The following STING1 variants were observed in gnomAD, a reference collection of about 807,000 sequenced individuals.
STING1 encodes stimulator of interferon genes protein.
Under a neutral mutation model 31.6 loss-of-function variants are expected in STING1, and 19 were observed. The observed-to-expected ratio is 0.60, with a 90% CI of 0.42 to 0.88. The LOEUF is 0.88. Ranked by LOEUF, STING1 falls within the 40% of genes least tolerant of loss-of-function variation. STING1 has a pLI of 0.00. For missense variants in STING1, 371 were observed against 483.7 expected (o/e 0.77, Z 2.19); for synonymous variants, 200 against 208.6 (o/e 0.96, Z 0.35).
At chr5:139,480,381 A>G (rs1751803129) in intron 5 of STING1, among the ~76,000 whole-genome samples, 1 of 152,106 alleles carries the variant, frequency 6.6e-6, no homozygotes, top group Admixed American at 6.6e-5. Flanking sequence ...CCCTGTCTCT[A>G]CTAAAAATAC....
At position 139,480,360 on chromosome 5, in the gene STING1, A is replaced by C. The variant is rs115762419; in HGVS notation, c.520+430T>G. Among the ~76,000 whole-genome samples the C allele has an allele frequency of 3.4e-3, 524 of 152,282 alleles. 5 individuals are homozygous for C. The highest frequency in any genetic ancestry group is 0.01 in the African/African-American group (434 of 41,562). ...TCAGGAGTTTGTACCGGCCTGGCCAATACGGTGAAACCCTGTCTCTACTAA... is the reference window on the plus strand; with the variant it reads ...TCAGGAGTTTGTACCGGCCTGGCCACTACGGTGAAACCCTGTCTCTACTAA... On this transcript the variant is annotated intron_variant, in intron 5 of 7. Transcript: ENST00000330794.
chr5:139,480,804 C>T lies in STING1; in HGVS notation c.506G>A (p.Arg169Gln), dbSNP rs771648197. 1.4e-5 allele frequency: 23 copies of T among 1,612,972 alleles called. No homozygotes were observed. Among genetic ancestry groups the T allele is most frequent in the Middle Eastern group, 1.6e-4 (1 of 6,084 alleles). Residue 169 changes from arginine to glutamine, a missense_variant, in exon 5 of 8, where the codon CGG becomes CAG. Physicochemically the swap from Arg to Gln is conservative, Grantham distance 43. Coordinates refer to ENST00000330794, the MANE Select transcript of STING1 (RefSeq NM_198282.4). ...LAWSYYIGYL[R>Q]LILPELQARI... ...GGATGGCCCACCTGGCAGGATCAGC[C>T]GCAGATATCCGATGTAATATGACCA...
chr5:139,481,318 A>T lies in STING1; in HGVS notation c.252T>A (p.Thr84=). The T allele has an allele frequency of 6.2e-7, 1 of 1,601,938 alleles. No individual in the cohort carries two copies. The highest frequency in any genetic ancestry group is 8.5e-7 in the Non-Finnish European group (1 of 1,173,666). Residue 84 remains threonine (T), a synonymous_variant, in exon 4 of 8, where the codon ACT becomes ACA. Transcript: ENST00000330794. The surrounding 1 kb of genome is among the most constrained non-coding windows in gnomAD (Gnocchi z 4.1). ...GGGGGCAGCCCAGGCAGGCCCGCAC[A>T]GTCCTCCAGTAGCTGCCCCGGTACC... ...HSRYRGSYWR[T]VRACLGCPLR...
In STING1 at chr5:139,478,334, T is replaced by G; in HGVS notation, c.695A>C (p.His232Pro). 6.2e-7 allele frequency: 1 copy of G among 1,613,992 alleles called. No individual in the cohort carries two copies. The highest frequency in any genetic ancestry group is 8.5e-7 in the Non-Finnish European group (1 of 1,180,002). The change falls in exon 6 of 8, where the codon CAT becomes CCT. Residue 232 changes from histidine (H) to proline (P), a missense_variant. Coordinates refer to ENST00000330794, the MANE Select transcript of STING1 (RefSeq NM_198282.4). ...GTAAACCCGATCCTTGATGCCAGCATGGTCACCGGTCTGCTGGGGCAGTTT... is the reference window on the plus strand; with the variant it reads ...GTAAACCCGATCCTTGATGCCAGCAGGGTCACCGGTCTGCTGGGGCAGTTT... ...LDKLPQQTGD[H>P]AGIKDRVYSN... is the part of the protein sequence containing the mutation.
Position 139,476,343 on chromosome 5 carries a change from C to A in STING1, c.1058G>T (p.Ser353Ile), listed in dbSNP as rs1412839696. ...VGSLKTSAVP[S>I]TSTMSQEPEL... ...AGGCTCTTGGGACATCGTGGAGGTA[C>A]TGGGCACCGCTGAGGTCTTCAAGCT... is the stretch of plus-strand genomic sequence containing the variant. Residue 353 changes from serine to isoleucine, a missense_variant, in exon 8 of 8, where the codon AGT becomes ATT. Physicochemically the swap from Ser to Ile is moderately radical, Grantham distance 142. Transcript: ENST00000330794. The A allele has an allele frequency of 1.2e-6, 2 of 1,612,558 alleles. No homozygotes were observed. The highest frequency in any genetic ancestry group is 1.7e-6 in the Non-Finnish European group (2 of 1,179,842).
intron 5 of STING1, among the ~76,000 whole-genome samples, chr5:139,480,234 G>C (rs145603435): frequency 1.8e-4 from 28 of 152,200 alleles, no homozygotes; most frequent in African/African-American, 5.8e-4. Flanking sequence ...GCACATGAGA[G>C]CACACAGCAT....
At chr5:139,477,621 C>T in intron 6 of STING1, 106 bp from the exon 7 acceptor site, 1 of 1,119,256 alleles carries the variant, frequency 8.9e-7, no homozygotes, top group Non-Finnish European at 1.3e-6. Context: ...TGAGGCCCCA[C>T]TCCCTCAGCC....
chr5:139,478,579 G>A (rs1751734821), intron 5 of STING1, 71 bp from the exon 6 acceptor site: 2 of 1,344,198 alleles, frequency 1.5e-6, no homozygotes, highest in African/African-American at 2.9e-5. Flanking sequence ...GTGAGACCCA[G>A]GTCATTGGCC....
At chr5:139,480,003 C>CA (rs552338116) in intron 5 of STING1, among the ~76,000 whole-genome samples, 4,144 of 88,718 alleles carry the variant, frequency 0.047, 92 homozygotes, top group East Asian at 0.061. Context: ...GACTTTGTCT[C>CA]AAAAAAAAAA....
In STING1 at chr5:139,477,508, G is replaced by A. The variant is rs769794754; in HGVS notation, c.767C>T (p.Thr256Ile). The A allele has an allele frequency of 1.1e-5, 18 of 1,613,790 alleles. No homozygotes were observed. The highest frequency in any genetic ancestry group is 2.2e-5 in the South Asian group (2 of 91,062). Residue 256 changes from threonine to isoleucine, a missense_variant, in exon 7 of 8, where the codon ACC becomes ATC. Physicochemically the swap from Thr to Ile is moderately conservative, Grantham distance 89 (BLOSUM62 -1). Transcript: ENST00000330794. ...ELLENGQRAG[T>I]CVLEYATPLQ... Reference sequence around the variant, plus strand: ...GGGGGTGGCGTACTCCAGGACACAGGTGCCCGCCTAGAGGAGGTAAGAGGA... The same window carrying A: ...GGGGGTGGCGTACTCCAGGACACAGATGCCCGCCTAGAGGAGGTAAGAGGA...
chr5:139,478,291 C>A lies in STING1; in HGVS notation c.738G>T (p.Glu246Asp). Residue 246 changes from glutamate to aspartate, a missense_variant, in exon 6 of 8, where the codon GAG (glutamate) becomes GAT (aspartate). Physicochemically the swap from Glu to Asp is conservative, Grantham distance 45 (BLOSUM62 2). Transcript: ENST00000330794. ...KDRVYSNSIY[E>D]LLENGQRAGT... is the part of the protein sequence containing the mutation. ...TTACCCGCTGCCCGTTCTCCAGAAG[C>A]TCATAGATGCTGTTGCTGTAAACCC... 2 of 1,613,908 alleles carry A rather than the reference C, an allele frequency of 1.2e-6. No individual in the cohort carries two copies. The highest frequency in any genetic ancestry group is 1.7e-6 in the Non-Finnish European group (2 of 1,179,868).
chr5:139,477,613 A>T (rs1485329260), intron 6 of STING1, 98 bp from the exon 7 acceptor site: 2 of 1,229,822 alleles, frequency 1.6e-6, no homozygotes, highest in Non-Finnish European at 2.3e-6. Context: ...CCACGGGCTG[A>T]GGCCCCACTC....
intron 7 of STING1, among the ~76,000 whole-genome samples, chr5:139,476,996 G>T (rs182894287): frequency 6.6e-6 from 1 of 151,936 alleles, no homozygotes; most frequent in Non-Finnish European, 1.5e-5. Flanking sequence ...AAACCTGCCC[G>T]AGGTCACACA....
chr5:139,481,050 A>G lies in STING1; in HGVS notation c.411+109T>C. The G allele has an allele frequency of 5.5e-6, 7 of 1,276,084 alleles. No individual in the cohort carries two copies. The South Asian group carries it at 7.4e-5, about 13-fold the overall frequency. 79.0% of individuals were successfully genotyped at this position (1,276,084 alleles called of 1,614,324 possible). Reference sequence around the variant, plus strand: ...TCCAGGACATTATAGGTTCTACTCCATGGACTCCAGCCTTTAAACCAGTCC... The same window carrying G: ...TCCAGGACATTATAGGTTCTACTCCGTGGACTCCAGCCTTTAAACCAGTCC... On this transcript the variant is annotated intron_variant, in intron 4 of 7. Transcript: ENST00000330794. The surrounding 1 kb of genome is among the most constrained non-coding windows in gnomAD (Gnocchi z 4.1).
intron 7 of STING1, 114 bp downstream of exon 7, chr5:139,477,215 G>C (rs1751688524): frequency 8.9e-7 from 1 of 1,118,258 alleles, no homozygotes; most frequent in Admixed American, 2.2e-5. Context: ...GGGAAGGAAG[G>C]ACAGGCCCAG....
At chr5:139,480,407 G>A (rs930298232) in intron 5 of STING1, among the ~76,000 whole-genome samples, 1 of 152,076 alleles carries the variant, frequency 6.6e-6, no homozygotes, top group Non-Finnish European at 1.5e-5. Context: ...TTAGCCGGGC[G>A]TTGTGGTGGG....
At chr5:139,478,124 A>C (rs1039543313) in intron 6 of STING1, 146 bp downstream of exon 6, 1 of 677,132 alleles carries the variant, frequency 1.5e-6, no homozygotes, top group East Asian at 2.5e-5. Flanking sequence ...ATTATCATTC[A>C]GAGCTGAATC....
chr5:139,477,606 C>CGGGGGG (rs1182850586), intron 6 of STING1, 91 bp from the exon 7 acceptor site: 1 of 1,299,756 alleles, frequency 7.7e-7, no homozygotes, highest in Non-Finnish European at 1.1e-6. Flanking sequence ...CCCAGTGCCA[C>CGGGGGG]GGGCTGAGGC....
chr5:139,477,514 G>A lies in STING1; in HGVS notation c.761C>T (p.Ala254Val), dbSNP rs774690247. 64 of 1,613,098 alleles carry A rather than the reference G, an allele frequency of 4.0e-5. No individual in the cohort carries two copies. Among genetic ancestry groups the A allele is most frequent in the Non-Finnish European group, 4.7e-5 (56 of 1,179,500 alleles). The change falls in exon 7 of 8, where the codon GCG becomes GTG. Residue 254 changes from alanine to valine, a missense_variant and splice_region_variant. Physicochemically the swap from Ala to Val is moderately conservative, Grantham distance 64 (BLOSUM62 0). Transcript: ENST00000330794. ...IYELLENGQR[A>V]GTCVLEYATP... ...GGCGTACTCCAGGACACAGGTGCCC[G>A]CCTAGAGGAGGTAAGAGGAAGACCA...
Sources: gnomAD v4.1 joint callset for allele counts (sites outside exome capture counted in the v4.1 genomes callset) on GRCh38, gnomAD v4.1.1 for gene constraint, Gnocchi (gnomAD v3.1) non-coding constraint, MANE v1.5 for transcripts, NCBI Gene and HGNC (gene_info 2026-07-23, HGNC 2026-07-21) for gene names.